The following KIF21B variants were observed in gnomAD, a reference collection of about 807,000 sequenced individuals.
The protein encoded by KIF21B is kinesin family member 21B.
In KIF21B, 85 loss-of-function variants were observed where a neutral mutation model predicts 192.9. That is an observed-to-expected ratio of 0.44 (90% CI 0.37 to 0.53). KIF21B has a LOEUF of 0.53. Ranked by LOEUF, KIF21B falls within the 20% of genes least tolerant of loss-of-function variation. KIF21B has a pLI of 0.00. For missense variants in KIF21B, 1,716 were observed against 2,194.8 expected (o/e 0.78, Z 4.36); for synonymous variants, 832 against 884.6 (o/e 0.94, Z 1.05).
intron 3 of KIF21B, among the ~76,000 whole-genome samples, chr1:201,007,797 T>A (rs1475176667): frequency 6.9e-6 from 1 of 144,874 alleles, no homozygotes; most frequent in African/African-American, 2.6e-5. Flanking sequence ...CACAGACACA[T>A]AGACACACAC....
At chr1:201,010,004 G>A (rs940978045) in intron 1 of KIF21B, among the ~76,000 whole-genome samples, 1 of 152,224 alleles carries the variant, frequency 6.6e-6, no homozygotes, top group Admixed American at 6.5e-5. Context: ...CACAGGGCCA[G>A]GGCGGGGAAG....
chr1:201,007,061 CACAG>C (rs1657885021), intron 3 of KIF21B, among the ~76,000 whole-genome samples: 1 of 135,210 alleles, frequency 7.4e-6, no homozygotes, highest in African/African-American at 3.1e-5. Context: ...CACACACACA[CACAG>C]ACACACACAG....
chr1:200,977,022 T>C, intron 31 of KIF21B, 129 bp from the exon 32 acceptor site: 2 of 969,424 alleles, frequency 2.1e-6, no homozygotes, highest in South Asian at 3.2e-5. Flanking sequence ...CAAGGCAAGA[T>C]CAAGAATCTA....
chr1:200,976,951 G>A (rs993194257), intron 31 of KIF21B, 58 bp from the exon 32 acceptor site: 1 of 1,355,492 alleles, frequency 7.4e-7, no homozygotes, highest in Non-Finnish European at 1.0e-6. Context: ...CCTGGGTTGG[G>A]GTGGGGTGTC....
intron 3 of KIF21B, among the ~76,000 whole-genome samples, chr1:201,007,017 GACAC>G (rs150595221): frequency 1.1e-5 from 1 of 92,458 alleles, no homozygotes. Context: ...GAGACACACA[GACAC>G]ACACACACAC....
chr1:200,991,765 A>G, intron 16 of KIF21B, 40 bp from the exon 17 acceptor site: 1 of 1,602,810 alleles, frequency 6.2e-7, no homozygotes, highest in South Asian at 1.1e-5. Context: ...ACACTCAGGC[A>G]CCTTAGCCCT....
rs1655613385 is a variant in KIF21B, at chr1:200,977,170, G to A, written c.4325+42C>T. ...GAACCAAGACCTGGGGACCTTGCCT[G>A]GGAATGCCAAACCCTCCTCCCTCCC... On this transcript the variant is annotated intron_variant, in intron 31 of 34. Transcript: ENST00000461742. 6 of 1,576,766 alleles carry A rather than the reference G, an allele frequency of 3.8e-6. No homozygotes were observed. In the East Asian group the frequency reaches 1.4e-4, roughly 36 times the overall value.
chr1:200,989,770 C>T (rs1365848248), intron 21 of KIF21B, among the ~76,000 whole-genome samples, 172 bp downstream of exon 21: 2 of 152,254 alleles, frequency 1.3e-5, no homozygotes, highest in Non-Finnish European at 2.9e-5. Context: ...TTGGTATGGT[C>T]GTCCTCTCAG....
intron 16 of KIF21B, 129 bp downstream of exon 16, chr1:200,992,153 A>G: frequency 2.7e-6 from 2 of 744,396 alleles, no homozygotes; most frequent in Non-Finnish European, 4.5e-6. Context: ...CTGTCCTCCA[A>G]GCATGACCAT....
rs1385837659 is a variant in KIF21B at position 200,990,301 on chromosome 1, G to A, written c.2867C>T (p.Ala956Val). 2 of 1,612,674 alleles carry A rather than the reference G, an allele frequency of 1.2e-6. No homozygotes were observed. Among genetic ancestry groups the A allele is most frequent in the African/African-American group, 1.3e-5 (1 of 74,892 alleles). The change falls in exon 20 of 35, where the codon GCA becomes GTA. Residue 956 changes from alanine (A) to valine (V), a missense_variant. Physicochemically the swap from Ala to Val is moderately conservative, Grantham distance 64. Around this residue, in one of 3 missense-constraint regions of KIF21B, gnomAD observed 1,087 missense variants for 1,316.6 expected, o/e 0.83. Transcript: ENST00000461742. The surrounding 1 kb of genome is among the most constrained non-coding windows in gnomAD (Gnocchi z 5.4). ...CAGCCGCTCCCGCTTCCTCCGCAGT[G>A]CCTCCTGCAGGAGGAACAGCTCCTC... ...KREELFLLQEALRRKRERLQA... is the reference protein window; with the variant it reads ...KREELFLLQEVLRRKRERLQA...
At chr1:201,005,767 A>G in intron 3 of KIF21B, 73 bp from the exon 4 acceptor site, 2 of 1,469,260 alleles carry the variant, frequency 1.4e-6, no homozygotes, top group Non-Finnish European at 1.9e-6. Context: ...ATGCCTATAA[A>G]CCATATCTGT....
In KIF21B at chr1:200,998,713, A is replaced by G. The variant is rs1657243479; in HGVS notation, c.1886-138T>C. On this transcript the variant is annotated intron_variant, in intron 13 of 34. Transcript: ENST00000461742. This position sits in a 1 kb window ranked among gnomAD's most constrained non-coding sequence, Gnocchi z 4.3. ...GTGACCAGAGACTGGGCAAAATGAT[A>G]AATCCTAATGCAGGTAGAATGCGGC... is the stretch of plus-strand genomic sequence containing the variant. 1.4e-6 allele frequency: 1 copy of G among 695,704 alleles called. No homozygotes were observed. The highest frequency in any genetic ancestry group is 2.4e-6 in the Non-Finnish European group (1 of 413,852). 43.1% of individuals were successfully genotyped at this position (695,704 alleles called of 1,614,324 possible).
At chr1:201,022,262 A>G (rs971430089) in intron 1 of KIF21B, among the ~76,000 whole-genome samples, 2 of 152,188 alleles carry the variant, frequency 1.3e-5, no homozygotes, top group Admixed American at 1.3e-4. Flanking sequence ...TCTGGGTCAC[A>G]TATGACCCAA....
At position 200,972,748 on chromosome 1, in the gene KIF21B, G is replaced by A. The variant is rs1255456073; in HGVS notation, c.*773C>T. 1 of 152,690 alleles carries A rather than the reference G, an allele frequency of 6.5e-6. No individual in the cohort carries two copies. The allele number at this position is 152,690 out of a possible 1,614,324, so 9.5% of individuals were successfully genotyped here. On this transcript the variant is annotated 3_prime_UTR_variant, in exon 35 of 35. Coordinates refer to ENST00000461742, the MANE Select transcript of KIF21B (RefSeq NM_001252102.2). ...AGCAAACAGAGGAGGCGGCCCTGGA[G>A]GGCCGGGGCAGCGGACTCCCTTTGG...
Position 200,998,416 on chromosome 1 carries a change from T to C in KIF21B, c.2045A>G (p.Gln682Arg), listed in dbSNP as rs1027526288. 1.2e-6 allele frequency: 2 copies of C among 1,613,842 alleles called. No individual in the cohort carries two copies. Among genetic ancestry groups the C allele is most frequent in the Admixed American group, 1.7e-5 (1 of 59,996 alleles). ...ILLQNKIRDT[Q>R]LERDRVLQNL... ...CTGCAGCACACGGTCGCGCTCCAGCTGTGTGTCTCGGATCTTGTTCTGCAG... is the reference window on the plus strand; with the variant it reads ...CTGCAGCACACGGTCGCGCTCCAGCCGTGTGTCTCGGATCTTGTTCTGCAG... The change falls in exon 14 of 35, where the codon CAG becomes CGG. Residue 682 changes from glutamine (Q) to arginine (R), a missense_variant. By Grantham distance (43) the Gln-to-Arg change is conservative (BLOSUM62 1). This residue lies in a region of KIF21B where 1,087 missense variants were observed against 1,316.6 expected (regional missense o/e 0.83). Transcript: ENST00000461742. The surrounding 1 kb of genome is among the most constrained non-coding windows in gnomAD (Gnocchi z 4.3).
At chr1:201,022,011 T>C (rs1658860843) in intron 1 of KIF21B, among the ~76,000 whole-genome samples, 1 of 152,218 alleles carries the variant, frequency 6.6e-6, no homozygotes, top group South Asian at 2.1e-4. Context: ...TGTCTCTGGC[T>C]GCTCAGGGCC....
At chr1:201,004,572 C>A in intron 6 of KIF21B, 117 bp from the exon 7 acceptor site, 1 of 1,148,860 alleles carries the variant, frequency 8.7e-7, no homozygotes, top group South Asian at 1.4e-5. Flanking sequence ...CCCTCTTGCT[C>A]CTTGGGTGGG....
rs1656039534 is a variant in KIF21B, at chr1:200,982,944, C to A, written c.3842+112G>T. 4.3e-6 allele frequency: 4 copies of A among 924,780 alleles called. No individual in the cohort carries two copies. Among genetic ancestry groups the A allele is most frequent in the Non-Finnish European group, 6.8e-6 (4 of 591,456 alleles). 57.3% of individuals were successfully genotyped at this position (924,780 alleles called of 1,614,324 possible). On this transcript the variant is annotated intron_variant, in intron 28 of 34. Transcript: ENST00000461742. This position sits in a 1 kb window ranked among gnomAD's most constrained non-coding sequence, Gnocchi z 4.7. ...GGCAGCAGGAAGGGGAGTGGAGGGG[C>A]CGCATGCTGAGGACACGGGTGTCAG... is the stretch of plus-strand genomic sequence containing the variant.
At chr1:200,983,730 A>G (rs982918823) in intron 27 of KIF21B, among the ~76,000 whole-genome samples, 1 of 152,272 alleles carries the variant, frequency 6.6e-6, no homozygotes. Flanking sequence ...CAAAAAGGGG[A>G]CCTGTTGATT....
Sources: allele counts gnomAD v4.1 joint callset (sites outside exome capture counted in the v4.1 genomes callset), GRCh38; gene constraint gnomAD v4.1.1; regional missense constraint gnomAD v4.1.1; non-coding constraint Gnocchi (gnomAD v3.1); transcripts MANE v1.5; gene names NCBI Gene and HGNC (gene_info 2026-07-23, HGNC 2026-07-21).